Variants in SORCS3 observed in about 807,000 individuals in gnomAD.
SORCS3 encodes the protein sortilin related VPS10 domain containing receptor 3, also known as VPS10 domain-containing receptor SorCS3.
Under a neutral mutation model 146.3 loss-of-function variants are expected in SORCS3, and 57 were observed. The ratio of observed to expected loss-of-function variants is 0.39; its 90% CI spans 0.31 to 0.49. The LOEUF (loss-of-function observed/expected upper bound fraction) is 0.49. Among genes scored for constraint, SORCS3 ranks in the 20% least tolerant of loss-of-function variants. The probability of loss-of-function intolerance (pLI) is 0.92; values close to 1 mark genes in which losing one functional copy is unlikely to be tolerated. For missense variants in SORCS3, 1,341 were observed against 1,575.5 expected (o/e 0.85, Z 2.52); for synonymous variants, 653 against 618.5 (o/e 1.06, Z -0.83).
chr10:104,878,819 G>T lies in SORCS3; in HGVS notation c.695+35960G>T, dbSNP rs145732298. Among the ~76,000 whole-genome samples the T allele has an allele frequency of 2.9e-3, 445 of 152,244 alleles. 2 individuals are homozygous for T. Among genetic ancestry groups the T allele is most frequent in the South Asian group, 0.018 (88 of 4,820 alleles). ...AGGGCTTAAATACAGAGAATTAGAG[G>T]GATTTGCACGATGTGTTGGATGTTC... On this transcript the variant is annotated intron_variant, in intron 2 of 26. Coordinates refer to ENST00000369701, the MANE Select transcript of SORCS3 (RefSeq NM_014978.3).
At chr10:104,830,709 G>C (rs980893791) in intron 1 of SORCS3, among the ~76,000 whole-genome samples, 7 of 152,196 alleles carry the variant, frequency 4.6e-5, no homozygotes, top group African/African-American at 1.7e-4. Context: ...GGATTGTGGG[G>C]TGAGAGTAAA....
chr10:104,838,315 G>A (rs773660056), intron 1 of SORCS3, among the ~76,000 whole-genome samples: 1 of 151,976 alleles, frequency 6.6e-6, no homozygotes, highest in Non-Finnish European at 1.5e-5. Context: ...TAACAGCCCC[G>A]AGCTTGTTAG....
At chr10:105,033,421 T>G (rs1564739001) in intron 4 of SORCS3, among the ~76,000 whole-genome samples, 1 of 152,206 alleles carries the variant, frequency 6.6e-6, no homozygotes, top group Non-Finnish European at 1.5e-5. Context: ...TTTTAGAGTC[T>G]CCATGTGTGA....
chr10:104,906,963 T>A (rs748367671), intron 2 of SORCS3, among the ~76,000 whole-genome samples: 2 of 152,224 alleles, frequency 1.3e-5, no homozygotes, highest in African/African-American at 2.4e-5. Flanking sequence ...TTCCACTAGA[T>A]TTTATATGTA....
chr10:104,852,470 A>G (rs2018283439), intron 2 of SORCS3, among the ~76,000 whole-genome samples: 1 of 152,200 alleles, frequency 6.6e-6, no homozygotes, highest in South Asian at 2.1e-4. Flanking sequence ...TATGAGAATC[A>G]CCTGGGAAAT....
chr10:105,074,911 A>T (rs934840949), intron 5 of SORCS3, among the ~76,000 whole-genome samples: 1 of 152,244 alleles, frequency 6.6e-6, no homozygotes, highest in Admixed American at 6.5e-5. Flanking sequence ...ACAATTAAAA[A>T]TGTTACCACA....
intron 20 of SORCS3, among the ~76,000 whole-genome samples, chr10:105,236,565 C>T (rs1475013495): frequency 1.3e-5 from 2 of 152,074 alleles, no homozygotes; most frequent in Non-Finnish European, 2.9e-5. Context: ...CTTCTGTGTG[C>T]AAGAAGGGCA....
intron 4 of SORCS3, among the ~76,000 whole-genome samples, chr10:105,013,281 CAT>C (rs2055145812): frequency 6.6e-6 from 1 of 151,986 alleles, no homozygotes. Flanking sequence ...AAACATATAA[CAT>C]ATTATTTTTA....
At chr10:105,259,318 C>A (rs2056947746) in intron 25 of SORCS3, among the ~76,000 whole-genome samples, 2 of 152,152 alleles carry the variant, frequency 1.3e-5, no homozygotes, top group African/African-American at 4.8e-5. Flanking sequence ...TTTCTGTGTC[C>A]AGATCATTGG....
At chr10:104,754,521 GA>G (rs1472933416) in intron 1 of SORCS3, among the ~76,000 whole-genome samples, 3 of 152,126 alleles carry the variant, frequency 2.0e-5, no homozygotes, top group Non-Finnish European at 2.9e-5. Flanking sequence ...AATAGGGGGG[GA>G]AAAACTTTAC....
chr10:104,869,607 AC>A (rs1435169919), intron 2 of SORCS3, among the ~76,000 whole-genome samples: 1 of 152,208 alleles, frequency 6.6e-6, no homozygotes, highest in African/African-American at 2.4e-5. Flanking sequence ...TTTCGGATGG[AC>A]CCTCTAGGCA....
At chr10:105,006,153 G>A (rs573541738) in intron 4 of SORCS3, among the ~76,000 whole-genome samples, 1 of 152,108 alleles carries the variant, frequency 6.6e-6, no homozygotes, top group Non-Finnish European at 1.5e-5. Flanking sequence ...TGTTGGCAAG[G>A]CTGGTCTTGA....
intron 1 of SORCS3, among the ~76,000 whole-genome samples, chr10:104,688,331 C>T (rs1223284519): frequency 6.6e-6 from 1 of 152,208 alleles, no homozygotes; most frequent in Non-Finnish European, 1.5e-5. Context: ...GTGAAGGGAG[C>T]TGCCCAGGCA....
At chr10:105,257,216 A>G (rs1003678761) in intron 25 of SORCS3, among the ~76,000 whole-genome samples, 4 of 152,214 alleles carry the variant, frequency 2.6e-5, no homozygotes, top group Middle Eastern at 3.2e-3. Flanking sequence ...TCAAACCTCA[A>G]TCAAACTTCT....
chr10:105,246,003 G>A (rs923197072), intron 21 of SORCS3, among the ~76,000 whole-genome samples: 1 of 152,188 alleles, frequency 6.6e-6, no homozygotes, highest in Non-Finnish European at 1.5e-5. Flanking sequence ...ATGAGGACCA[G>A]CAATTTCCAA....
intron 3 of SORCS3, among the ~76,000 whole-genome samples, chr10:104,951,594 C>T (rs1032661078): frequency 6.6e-6 from 1 of 152,148 alleles, no homozygotes; most frequent in Non-Finnish European, 1.5e-5. Context: ...GTCCTCTCAC[C>T]TCAACCTCCC....
At chr10:104,804,611 A>G (rs549042604) in intron 1 of SORCS3, among the ~76,000 whole-genome samples, 23 of 152,330 alleles carry the variant, frequency 1.5e-4, no homozygotes, top group African/African-American at 4.8e-4. Context: ...AAACCCATCA[A>G]CCAGGGCATA....
At chr10:104,847,744 C>T (rs1477059337) in intron 2 of SORCS3, among the ~76,000 whole-genome samples, 1 of 152,168 alleles carries the variant, frequency 6.6e-6, no homozygotes, top group Admixed American at 6.5e-5. Context: ...CTTCACCTCT[C>T]TCCTCTCTTG....
At chr10:105,025,837 A>AACACACACACACACACACACAC (rs57597161) in intron 4 of SORCS3, among the ~76,000 whole-genome samples, 5 of 135,418 alleles carry the variant, frequency 3.7e-5, no homozygotes, top group African/African-American at 1.4e-4. Flanking sequence ...TGTCTTCTCA[A>AACACACACACACACACACACAC]ACACACACAC....
Sources: allele counts gnomAD v4.1 joint callset (sites outside exome capture counted in the v4.1 genomes callset), GRCh38; gene constraint gnomAD v4.1.1; transcripts MANE v1.5; gene names NCBI Gene and HGNC (gene_info 2026-07-23, HGNC 2026-07-21).